The following PITRM1 variants were observed in gnomAD, a reference collection of about 807,000 sequenced individuals.
The protein encoded by PITRM1 is presequence protease, mitochondrial.
A neutral mutation model predicts 129.9 loss-of-function variants in PITRM1; 100 were observed. The observed-to-expected ratio is 0.77, with a 90% CI of 0.65 to 0.91. PITRM1 has a LOEUF of 0.91. PITRM1 is among the 40% of genes least tolerant of loss of function. PITRM1 has a pLI of 0.00. For missense variants in PITRM1, 1,471 were observed against 1,318.3 expected (o/e 1.12, Z -1.79); for synonymous variants, 591 against 508.8 (o/e 1.16, Z -2.17).
At chr10:3,161,957 A>T (rs1336326761) in intron 7 of PITRM1, among the ~76,000 whole-genome samples, 1 of 151,892 alleles carries the variant, frequency 6.6e-6, no homozygotes, top group Non-Finnish European at 1.5e-5. Flanking sequence ...GGCAGACTGA[A>T]CTCAGAAGTT....
rs1215669399 is a variant in PITRM1 at position 3,147,518 on chromosome 10, C to G, written c.2235+54G>C. On this transcript the variant is annotated intron_variant, in intron 19 of 26. Coordinates refer to ENST00000224949, the MANE Select transcript of PITRM1 (RefSeq NM_014889.4). ...AATGTATTCCCAAAGAAATTAGTAA[C>G]TCTGGAATATGTGGCTAAACCGGAG... 3 of 1,546,484 alleles carry G rather than the reference C, an allele frequency of 1.9e-6. No homozygotes were observed. In the African/African-American group the frequency reaches 4.1e-5, roughly 21 times the overall value.
chr10:3,151,122 G>T, intron 15 of PITRM1, 125 bp downstream of exon 15: 1 of 690,452 alleles, frequency 1.4e-6, no homozygotes, highest in Admixed American at 2.1e-5. Context: ...GACTATGAAC[G>T]CACAGGGCTG....
At position 3,138,962 on chromosome 10, in the gene PITRM1, G is replaced by A. The variant is rs369595073; in HGVS notation, c.2859C>T (p.Asp953=). 7.9e-5 allele frequency: 127 copies of A among 1,613,752 alleles called. No individual in the cohort carries two copies. The highest frequency in any genetic ancestry group is 9.8e-5 in the Non-Finnish European group (116 of 1,179,734). Residue 953 remains aspartate, a synonymous_variant, in exon 25 of 27, where the codon GAC becomes GAT. Coordinates refer to ENST00000224949, the MANE Select transcript of PITRM1 (RefSeq NM_014889.4). Reference sequence around the variant, plus strand: ...TTGAGAAGACAGAAAGTTTGGCTTCGTCGATGTCTTGCTGTGTGAATTTTC... The same window carrying A: ...TTGAGAAGACAGAAAGTTTGGCTTCATCGATGTCTTGCTGTGTGAATTTTC... ...KSGKFTQQDI[D]EAKLSVFSTV... is the part of the protein sequence containing the mutation.
Position 3,167,271 on chromosome 10 carries a change from T to TAGAA in PITRM1, c.160-233_160-230dup, listed in dbSNP as rs528359375. Among the ~76,000 whole-genome samples, 324 of 126,612 alleles carry TAGAA rather than the reference T, an allele frequency of 2.6e-3. 1 individual carries two copies. The highest frequency in any genetic ancestry group is 8.8e-3 in the African/African-American group (304 of 34,624). 83.1% of individuals were successfully genotyped at this position (126,612 alleles called of 152,430 possible). On this transcript the variant is annotated intron_variant, in intron 2 of 26. Transcript: ENST00000224949. ...AGATGAGAATATGTGTGTGTGTGTA[T>TAGAA]AGAAAGAGAGAGAGAGCGAGCGAGC...
At chr10:3,172,627 A>T in intron 1 of PITRM1, 90 bp downstream of exon 1, 1 of 1,192,622 alleles carries the variant, frequency 8.4e-7, no homozygotes, top group Non-Finnish European at 1.1e-6. Context: ...CCCCGGGCGC[A>T]GGGACGAGGA....
At chr10:3,154,292 C>T (rs900294809) in intron 14 of PITRM1, among the ~76,000 whole-genome samples, 15 of 152,270 alleles carry the variant, frequency 9.9e-5, no homozygotes, top group African/African-American at 2.4e-4. Flanking sequence ...TTTGTGCGGA[C>T]GCCTGTTTTC....
chr10:3,168,281 C>G (rs1370495425), intron 2 of PITRM1, among the ~76,000 whole-genome samples: 2 of 152,240 alleles, frequency 1.3e-5, no homozygotes, highest in East Asian at 3.8e-4. Context: ...TCCAAGCTCA[C>G]TGTACTTTGT....
At chr10:3,165,851 C>G (rs1842814417) in intron 4 of PITRM1, among the ~76,000 whole-genome samples, 1 of 152,224 alleles carries the variant, frequency 6.6e-6, no homozygotes, top group African/African-American at 2.4e-5. Context: ...ATGGATTTAA[C>G]CCGCTCTTCA....
At chr10:3,169,296 C>G (rs749477466) in intron 2 of PITRM1, among the ~76,000 whole-genome samples, 1 of 152,196 alleles carries the variant, frequency 6.6e-6, no homozygotes, top group Non-Finnish European at 1.5e-5. Context: ...AGTCACTGCC[C>G]TGGCTCCCTT....
chr10:3,152,462 G>A (rs1465702559), intron 14 of PITRM1, among the ~76,000 whole-genome samples: 5 of 152,162 alleles, frequency 3.3e-5, no homozygotes, highest in African/African-American at 9.7e-5. Flanking sequence ...AGCGTGCCAC[G>A]CACTTAGACA....
rs1189828787 is a variant in PITRM1, at chr10:3,138,346, C to A, written c.2918-9G>T. On this transcript the variant is annotated splice_polypyrimidine_tract_variant and intron_variant, in intron 25 of 26. Coordinates refer to ENST00000224949, the MANE Select transcript of PITRM1 (RefSeq NM_014889.4). ...CAAGAAGTGGTCCATTCCTAGAAGA[C>A]AATCCACAGGCACGATGGAGCCGCT... 1.2e-6 allele frequency: 2 copies of A among 1,601,438 alleles called. No homozygotes were observed. The highest frequency in any genetic ancestry group is 8.6e-7 in the Non-Finnish European group (1 of 1,168,832).
At chr10:3,157,602 G>C in intron 11 of PITRM1, 71 bp from the exon 12 acceptor site, 1 of 1,008,080 alleles carries the variant, frequency 9.9e-7, no homozygotes, top group South Asian at 1.5e-5. Flanking sequence ...AGCACTTTGG[G>C]AGGCCAAGGC....
chr10:3,145,666 A>G lies in PITRM1; in HGVS notation c.2387T>C (p.Val796Ala), dbSNP rs1255249963. The G allele has an allele frequency of 5.8e-6, 9 of 1,551,186 alleles. No homozygotes were observed. The highest frequency in any genetic ancestry group is 6.1e-6 in the Non-Finnish European group (7 of 1,147,208). ...PQQMPQTEKA[V>A]EDFLRSIGRS... Reference sequence around the variant, plus strand: ...ACCGATGCTTCTAAGGAAGTCTTCGACCGCTTTTTCTGTCTGAGGCATCTG... The same window carrying G: ...ACCGATGCTTCTAAGGAAGTCTTCGGCCGCTTTTTCTGTCTGAGGCATCTG... Residue 796 changes from valine to alanine, a missense_variant, in exon 21 of 27, where the codon GTC becomes GCC. Transcript: ENST00000224949.
At chr10:3,154,449 T>C (rs1841797554) in intron 14 of PITRM1, among the ~76,000 whole-genome samples, 1 of 88,994 alleles carries the variant, frequency 1.1e-5, no homozygotes, top group Non-Finnish European at 2.9e-5. Context: ...CCTCTCAGGA[T>C]TGATGGCATT....
chr10:3,172,402 A>G (rs1317875673), intron 1 of PITRM1, among the ~76,000 whole-genome samples: 3 of 152,214 alleles, frequency 2.0e-5, no homozygotes, highest in African/African-American at 7.2e-5. Context: ...TGTCAGCGAG[A>G]ACCGCAAATG....
Position 3,165,322 on chromosome 10 carries a change from C to A in PITRM1, c.546G>T (p.Trp182Cys). Residue 182 changes from tryptophan (W) to cysteine (C), a missense_variant, in exon 6 of 27, where the codon TGG becomes TGT. Physicochemically the swap from Trp to Cys is radical, Grantham distance 215. Transcript: ENST00000224949. Reference protein sequence around the residue: ...LRELDFWQEGWRLEHENPSDP... With the variant: ...LRELDFWQEGCRLEHENPSDP... ...CGCTCGGATTCTCATGTTCCAGCCG[C>A]CATCCTTCCTGCCTGAGGACAAATC... 6.3e-7 allele frequency: 1 copy of A among 1,592,150 alleles called. No individual in the cohort carries two copies. Among genetic ancestry groups the A allele is most frequent in the East Asian group, 2.3e-5 (1 of 44,094 alleles).
intron 23 of PITRM1, among the ~76,000 whole-genome samples, chr10:3,141,929 G>C (rs865879405): frequency 2.0e-5 from 3 of 152,180 alleles, no homozygotes; most frequent in African/African-American, 7.2e-5. Context: ...CTGGGGGACG[G>C]AGTCTCCACC....
chr10:3,150,430 G>C (rs1841401814), intron 15 of PITRM1, among the ~76,000 whole-genome samples: 1 of 152,116 alleles, frequency 6.6e-6, no homozygotes, highest in African/African-American at 2.4e-5. Flanking sequence ...GAAAATAAAT[G>C]AGATACAAAC....
At chr10:3,148,393 T>C in intron 16 of PITRM1, 102 bp from the exon 17 acceptor site, 1 of 1,429,640 alleles carries the variant, frequency 7.0e-7, no homozygotes, top group Non-Finnish European at 9.4e-7. Flanking sequence ...ATTAATTCAA[T>C]AACTGCGGCT....
Sources: allele counts gnomAD v4.1 joint callset (sites outside exome capture counted in the v4.1 genomes callset), GRCh38; gene constraint gnomAD v4.1.1; transcripts MANE v1.5; gene names NCBI Gene and HGNC (gene_info 2026-07-23, HGNC 2026-07-21).